Variants in OR3A2 observed in about 807,000 individuals in gnomAD.
OR3A2 encodes olfactory receptor family 3 subfamily A member 2, also known as olfactory receptor 3A2.
For synonymous variants in OR3A2, 126 were observed against 159.3 expected, an observed-to-expected ratio of 0.79 and a Z score of 1.57; for missense variants, 318 against 392.8, an observed-to-expected ratio of 0.81 and a Z score of 1.61.
chr17:3,276,493 G>A (rs932949142), downstream of OR3A2, among the ~76,000 whole-genome samples: 1 of 152,124 alleles, frequency 6.6e-6, no homozygotes, highest in Non-Finnish European at 1.5e-5. Flanking sequence ...AAATAATATC[G>A]TCTGAATGTT....
At chr17:3,304,199 C>T (rs1008194383) in intron 3 of OR3A2, among the ~76,000 whole-genome samples, 11 of 152,050 alleles carry the variant, frequency 7.2e-5, no homozygotes, top group African/African-American at 2.7e-4. Context: ...CTTTTCCTTC[C>T]TACTGCCTTA....
At chr17:3,301,952 G>C (rs1416252259) in intron 3 of OR3A2, among the ~76,000 whole-genome samples, 1 of 152,086 alleles carries the variant, frequency 6.6e-6, no homozygotes, top group East Asian at 1.9e-4. Context: ...ACCAGTAACA[G>C]ACAAGCAGAG....
chr17:3,338,351 C>A (rs1442100648), intron 2 of OR3A2, among the ~76,000 whole-genome samples: 1 of 152,112 alleles, frequency 6.6e-6, no homozygotes. Context: ...TTGCCCATGC[C>A]TATATCTTGA....
chr17:3,352,356 A>G (rs1278252172), intron 2 of OR3A2, among the ~76,000 whole-genome samples: 2 of 151,782 alleles, frequency 1.3e-5, no homozygotes, highest in African/African-American at 2.4e-5. Flanking sequence ...AGTTACCCCA[A>G]TGTTTTGTTT....
chr17:3,300,675 G>T (rs896073300), intron 3 of OR3A2, among the ~76,000 whole-genome samples: 1 of 140,818 alleles, frequency 7.1e-6, no homozygotes, highest in Non-Finnish European at 1.5e-5. Flanking sequence ...AAAATATTGA[G>T]CAACAAAAAT....
chr17:3,360,729 G>C (rs1490302836), intron 2 of OR3A2, among the ~76,000 whole-genome samples: 1 of 151,642 alleles, frequency 6.6e-6, no homozygotes, highest in Admixed American at 6.6e-5. Context: ...GATAGTTGTA[G>C]ATGTGTGGTA....
chr17:3,336,205 G>A (rs908093101), intron 2 of OR3A2, 79 bp from the exon 2 acceptor site: 8 of 152,156 alleles, frequency 5.3e-5, no homozygotes, highest in African/African-American at 1.7e-4. Flanking sequence ...AGGTGATGTA[G>A]GCTAAAATTC....
chr17:3,370,461 T>C (rs982212489), intron 2 of OR3A2, among the ~76,000 whole-genome samples: 1 of 152,212 alleles, frequency 6.6e-6, no homozygotes, highest in Non-Finnish European at 1.5e-5. Context: ...TTCTTTATCT[T>C]GTCAAAGAAC....
chr17:3,285,595 T>C (rs1406620566), upstream of OR3A2, among the ~76,000 whole-genome samples: 1 of 152,160 alleles, frequency 6.6e-6, no homozygotes, highest in African/African-American at 2.4e-5. Context: ...AAAACCAGCC[T>C]GGGTAACATG....
chr17:3,343,690 C>T (rs2049339568), intron 2 of OR3A2, among the ~76,000 whole-genome samples: 1 of 152,074 alleles, frequency 6.6e-6, no homozygotes, highest in African/African-American at 2.4e-5. Flanking sequence ...GGAGTACACC[C>T]AGGAGTTGTC....
chr17:3,349,608 C>T (rs2049401658), intron 2 of OR3A2, among the ~76,000 whole-genome samples: 1 of 152,088 alleles, frequency 6.6e-6, no homozygotes, highest in African/African-American at 2.4e-5. Context: ...CCACTGTCAA[C>T]ATCAGACAGA....
At chr17:3,370,709 G>A (rs2049607747) in intron 2 of OR3A2, among the ~76,000 whole-genome samples, 1 of 151,534 alleles carries the variant, frequency 6.6e-6, no homozygotes, top group Admixed American at 6.6e-5. Context: ...CAATAGTGGA[G>A]GGAAGGTCAG....
intron 2 of OR3A2, among the ~76,000 whole-genome samples, chr17:3,365,789 C>T (rs894642540): frequency 1.3e-5 from 2 of 152,158 alleles, no homozygotes; most frequent in Non-Finnish European, 2.9e-5. Context: ...AAAAATACAA[C>T]GTGTCTTTGC....
chr17:3,316,768 A>T (rs1376818861), intron 3 of OR3A2, among the ~76,000 whole-genome samples: 1 of 152,208 alleles, frequency 6.6e-6, no homozygotes, highest in Non-Finnish European at 1.5e-5. Context: ...CCAGTTAATC[A>T]TCAAAGAATT....
chr17:3,281,743 T>G (rs1218839075), intron 1 of OR3A2, among the ~76,000 whole-genome samples: 1 of 152,186 alleles, frequency 6.6e-6, no homozygotes, highest in Non-Finnish European at 1.5e-5. Flanking sequence ...TTACAAAAAT[T>G]TAAGATACCT....
intron 3 of OR3A2, among the ~76,000 whole-genome samples, chr17:3,297,083 T>G (rs1157490973): frequency 1.3e-5 from 2 of 152,144 alleles, no homozygotes; most frequent in African/African-American, 4.8e-5. Flanking sequence ...GAGCAGCAGT[T>G]ATGGACACCA....
intron 2 of OR3A2, among the ~76,000 whole-genome samples, chr17:3,381,183 C>T (rs1014284095): frequency 6.6e-6 from 1 of 151,808 alleles, no homozygotes; most frequent in Non-Finnish European, 1.5e-5. Flanking sequence ...CTGGACATAT[C>T]GGGATACATC....
At chr17:3,306,884 T>C (rs945950990) in intron 3 of OR3A2, among the ~76,000 whole-genome samples, 1 of 152,172 alleles carries the variant, frequency 6.6e-6, no homozygotes, top group African/African-American at 2.4e-5. Flanking sequence ...AAATTGGGTT[T>C]ATAGAGTCAA....
chr17:3,312,023 T>A (rs567381633), intron 3 of OR3A2: 2 of 153,542 alleles, frequency 1.3e-5, no homozygotes, highest in African/African-American at 4.8e-5. Context: ...GGAAAAATCC[T>A]CAGCGTCGGG....
Sources: allele counts gnomAD v4.1 joint callset (sites outside exome capture counted in the v4.1 genomes callset), GRCh38; gene constraint gnomAD v4.1.1; transcripts MANE v1.5; gene names NCBI Gene and HGNC (gene_info 2026-07-23, HGNC 2026-07-21).